PBX1: variants seen among roughly 807,000 people sequenced by gnomAD.
The protein encoded by PBX1 is pre-B-cell leukemia transcription factor 1.
In PBX1, 6 loss-of-function variants were observed where a neutral mutation model predicts 53.4. The observed-to-expected ratio is 0.11, with a 90% CI of 0.06 to 0.22. PBX1 has a LOEUF of 0.22. Among genes scored for constraint, PBX1 ranks in the 10% least tolerant of loss-of-function variants. The pLI is 1.00. For missense variants in PBX1, 251 were observed against 551.4 expected (o/e 0.46, Z 5.46); for synonymous variants, 204 against 212.3 (o/e 0.96, Z 0.34).
chr1:164,855,165 C>G (rs1208711790), downstream of PBX1, among the ~76,000 whole-genome samples: 2 of 152,048 alleles, frequency 1.3e-5, no homozygotes, highest in African/African-American at 4.8e-5. Context: ...AAGCTGGTCT[C>G]GAACTCCTGG....
intron 2 of PBX1, among the ~76,000 whole-genome samples, chr1:164,637,581 A>G (rs182223772): frequency 2.0e-4 from 30 of 152,270 alleles, no homozygotes; most frequent in Non-Finnish European, 3.5e-4. Context: ...TGATTTGCTC[A>G]ATAAGTTGAT....
chr1:164,617,306 A>AT (rs1294487068), intron 2 of PBX1, among the ~76,000 whole-genome samples: 1 of 152,210 alleles, frequency 6.6e-6, no homozygotes, highest in Non-Finnish European at 1.5e-5. Flanking sequence ...TCACAAATGC[A>AT]TGTTGTTGAT....
intron 2 of PBX1, among the ~76,000 whole-genome samples, chr1:164,584,594 T>C (rs1365806279): frequency 6.6e-6 from 1 of 152,172 alleles, no homozygotes; most frequent in Non-Finnish European, 1.5e-5. Flanking sequence ...AATAGCTCTC[T>C]GTTTTCTGAG....
chr1:164,811,542 T>G (rs1669611197), intron 5 of PBX1, among the ~76,000 whole-genome samples: 1 of 152,182 alleles, frequency 6.6e-6, no homozygotes, highest in Non-Finnish European at 1.5e-5. Flanking sequence ...AATTTGCAAT[T>G]AATCTATCAC....
chr1:164,687,634 T>C (rs1309962205), intron 2 of PBX1, among the ~76,000 whole-genome samples: 1 of 151,536 alleles, frequency 6.6e-6, no homozygotes, highest in Non-Finnish European at 1.5e-5. Context: ...GTGTTGACTA[T>C]GTATCAGCCC....
chr1:164,654,446 T>C (rs549046376), intron 2 of PBX1, among the ~76,000 whole-genome samples: 1 of 152,338 alleles, frequency 6.6e-6, no homozygotes, highest in East Asian at 1.9e-4. Context: ...TCATCGCTGA[T>C]GGCCTTTGTC....
At chr1:164,714,428 C>T (rs1331824271) in intron 2 of PBX1, among the ~76,000 whole-genome samples, 2 of 152,208 alleles carry the variant, frequency 1.3e-5, no homozygotes, top group Admixed American at 6.5e-5. Flanking sequence ...TTCTTGCAAA[C>T]ACTTATTACC....
chr1:164,874,285 C>A (rs146934113), intron 2 of PBX1, among the ~76,000 whole-genome samples: 8 of 152,324 alleles, frequency 5.3e-5, no homozygotes, highest in African/African-American at 1.4e-4. Flanking sequence ...CTGTTTTCCC[C>A]ATCCATCAAT....
intron 2 of PBX1, among the ~76,000 whole-genome samples, chr1:164,745,660 C>CCTAATAAACCT (rs1665855247): frequency 6.6e-6 from 1 of 152,212 alleles, no homozygotes; most frequent in African/African-American, 2.4e-5. Flanking sequence ...CAACCAGCTA[C>CCTAATAAACCT]AGGCTGGGCT....
chr1:164,807,426 C>T, intron 4 of PBX1, 116 bp from the exon 5 acceptor site: 2 of 1,330,362 alleles, frequency 1.5e-6, no homozygotes, highest in Admixed American at 2.4e-5. Context: ...TAAATCTGCT[C>T]CAAATTCACC....
At chr1:164,584,698 C>T (rs1441473534) in intron 2 of PBX1, among the ~76,000 whole-genome samples, 1 of 152,026 alleles carries the variant, frequency 6.6e-6, no homozygotes, top group Non-Finnish European at 1.5e-5. Context: ...GAGAGGACAC[C>T]TGAGGACCGT....
chr1:164,865,070 T>G (rs768669300), intron 2 of PBX1, among the ~76,000 whole-genome samples: 5 of 152,160 alleles, frequency 3.3e-5, no homozygotes, highest in South Asian at 4.1e-4. Flanking sequence ...CACCACCAAT[T>G]TGTCTAGCAT....
intron 2 of PBX1, among the ~76,000 whole-genome samples, chr1:164,710,952 C>T (rs954626564): frequency 1.5e-4 from 23 of 152,220 alleles, no homozygotes; most frequent in African/African-American, 5.5e-4. Flanking sequence ...TCTGGCCAGC[C>T]AGGCGTGAAC....
Position 164,792,758 on chromosome 1 carries a change from G to T in PBX1, c.510+20G>T, listed in dbSNP as rs1361229202. ...GAGCAGGTAACCAGAACCACCTGGG[G>T]CTCGGCACCCAGGCCCTTTAGGAAA... On this transcript the variant is annotated intron_variant, in intron 3 of 8. Transcript: ENST00000420696. 2 of 1,560,170 alleles carry T rather than the reference G, an allele frequency of 1.3e-6. No individual in the cohort carries two copies. Among genetic ancestry groups the T allele is most frequent in the Admixed American group, 1.8e-5 (1 of 57,074 alleles).
chr1:164,873,632 C>G (rs950659726), intron 2 of PBX1, among the ~76,000 whole-genome samples: 1 of 152,128 alleles, frequency 6.6e-6, no homozygotes, highest in East Asian at 1.9e-4. Flanking sequence ...GTGGTGACAC[C>G]TTATTTCACC....
Position 164,707,159 on chromosome 1 carries a change from G to A in PBX1, c.266-85335G>A, listed in dbSNP as rs77118783. Among the ~76,000 whole-genome samples, 695 of 152,284 alleles carry A rather than the reference G, an allele frequency of 4.6e-3. 7 individuals carry two copies. Among genetic ancestry groups the A allele is most frequent in the African/African-American group, 0.016 (673 of 41,526 alleles). On this transcript the variant is annotated intron_variant, in intron 2 of 8. Transcript: ENST00000420696. Reference sequence around the variant, plus strand: ...CCTTGGATATTCTGATCACAGCTCCGCTGGCATCGAGATTGGAATACAGAT... The same window carrying A: ...CCTTGGATATTCTGATCACAGCTCCACTGGCATCGAGATTGGAATACAGAT...
At chr1:164,808,964 C>T (rs187667591) in intron 5 of PBX1, among the ~76,000 whole-genome samples, 1 of 152,198 alleles carries the variant, frequency 6.6e-6, no homozygotes, top group East Asian at 1.9e-4. Flanking sequence ...CTCAAGTAGC[C>T]TAGTTTTTTC....
At position 164,848,700 on chromosome 1, in the gene PBX1, T is replaced by C; in HGVS notation, c.*2024T>C. The C allele has an allele frequency of 9.5e-7, 1 of 1,056,188 alleles. No homozygotes were observed. The highest frequency in any genetic ancestry group is 1.1e-6 in the Non-Finnish European group (1 of 873,498). The allele number at this position is 1,056,188 out of a possible 1,614,324, so 65.4% of individuals were successfully genotyped here. On this transcript the variant is annotated 3_prime_UTR_variant, in exon 9 of 9. Coordinates refer to ENST00000420696, the MANE Select transcript of PBX1 (RefSeq NM_002585.4). ...TGAACCCAATATGTTGCCTTGTACA[T>C]ACTTGGTCCCTGTCACATTGACTGC...
At chr1:164,628,143 G>A (rs1319802159) in intron 2 of PBX1, among the ~76,000 whole-genome samples, 1 of 152,150 alleles carries the variant, frequency 6.6e-6, no homozygotes, top group Non-Finnish European at 1.5e-5. Context: ...AATTTAAAAT[G>A]TCATTATTTA....
Sources: gnomAD v4.1 joint callset for allele counts (sites outside exome capture counted in the v4.1 genomes callset) on GRCh38, gnomAD v4.1.1 for gene constraint, MANE v1.5 for transcripts, NCBI Gene and HGNC (gene_info 2026-07-23, HGNC 2026-07-21) for gene names.